HECW1: variants seen among roughly 807,000 people sequenced by gnomAD.
HECW1 encodes the protein E3 ubiquitin-protein ligase HECW1.
Under a neutral mutation model 182.3 loss-of-function variants are expected in HECW1, and 61 were observed. The ratio of observed to expected loss-of-function variants is 0.33; its 90% CI spans 0.27 to 0.41. The LOEUF (loss-of-function observed/expected upper bound fraction) is 0.41. HECW1 is among the 10% of genes least tolerant of loss of function. The probability of loss-of-function intolerance (pLI) is 1.00; values close to 1 mark genes in which losing one functional copy is unlikely to be tolerated. For synonymous variants in HECW1, 859 were observed against 832.6 expected (o/e 1.03, Z -0.55); for missense variants, 1,739 against 2,108.9 (o/e 0.82, Z 3.44).
intron 24 of HECW1, among the ~76,000 whole-genome samples, chr7:43,527,601 C>T (rs973619552): frequency 6.6e-6 from 1 of 152,154 alleles, no homozygotes; most frequent in African/African-American, 2.4e-5. Context: ...TCTTCAAAGA[C>T]TCCTTCTCCA....
At chr7:43,265,850 A>T (rs951952608) in intron 3 of HECW1, among the ~76,000 whole-genome samples, 5 of 152,172 alleles carry the variant, frequency 3.3e-5, no homozygotes, top group Admixed American at 1.3e-4. Context: ...AGGTTCAATG[A>T]TCTGCTAGAA....
chr7:43,481,348 A>C (rs1406728259), intron 17 of HECW1, among the ~76,000 whole-genome samples: 1 of 152,360 alleles, frequency 6.6e-6, no homozygotes, highest in African/African-American at 2.4e-5. Flanking sequence ...CTTTAATCTC[A>C]TTAAGACAAT....
chr7:43,138,181 A>T (rs1303626264), intron 2 of HECW1, among the ~76,000 whole-genome samples: 2 of 152,218 alleles, frequency 1.3e-5, no homozygotes, highest in Non-Finnish European at 2.9e-5. Context: ...ATGAAAGAAG[A>T]TGTTTTCTCA....
intron 6 of HECW1, among the ~76,000 whole-genome samples, chr7:43,362,443 TTTTTCCC>T (rs1314834710): frequency 6.6e-6 from 1 of 152,118 alleles, no homozygotes; most frequent in African/African-American, 2.4e-5. Flanking sequence ...GGCTTCGCTG[TTTTTCCC>T]TCACTGGCCA....
chr7:43,366,801 G>A (rs1208423423), intron 6 of HECW1, among the ~76,000 whole-genome samples: 1 of 152,120 alleles, frequency 6.6e-6, no homozygotes. Context: ...TCAAAAAGGA[G>A]TATCCAAAAA....
In HECW1 at chr7:43,479,619, G is replaced by A. The variant is rs771427843; in HGVS notation, c.3109G>A (p.Val1037Met). The change falls in exon 17 of 30, where the codon GTG (valine) becomes ATG (methionine). Residue 1037 changes from valine (V) to methionine (M), a missense_variant. Physicochemically the swap from Val to Met is conservative, Grantham distance 21. Around this residue, in one of 5 missense-constraint regions of HECW1, gnomAD observed 971 missense variants for 1,029.1 expected, o/e 0.94. Transcript: ENST00000395891. ...ACTGGTCTGTTCGCAGTCTTTTTTC[G>A]TGGACCACAACAGTCGAGCTACCAC... ...KTDQQGKSFFVDHNSRATTFI... is the reference protein window; with the variant it reads ...KTDQQGKSFFMDHNSRATTFI... 1.1e-5 allele frequency: 17 copies of A among 1,613,306 alleles called. No homozygotes were observed. The East Asian group carries it at 1.8e-4, about 17-fold the overall frequency.
At chr7:43,471,241 CGT>C (rs2078011336) in intron 16 of HECW1, among the ~76,000 whole-genome samples, 1 of 152,136 alleles carries the variant, frequency 6.6e-6, no homozygotes, top group Non-Finnish European at 1.5e-5. Flanking sequence ...ATGTTTGGAC[CGT>C]GTCTTACAGG....
At chr7:43,559,523 C>T (rs555850773) in intron 29 of HECW1, among the ~76,000 whole-genome samples, 1 of 152,268 alleles carries the variant, frequency 6.6e-6, no homozygotes, top group East Asian at 1.9e-4. Flanking sequence ...GGCGTTGATC[C>T]TCCCCATAAC....
intron 3 of HECW1, among the ~76,000 whole-genome samples, chr7:43,258,916 A>G (rs1475818215): frequency 6.6e-6 from 1 of 151,952 alleles, no homozygotes; most frequent in Non-Finnish European, 1.5e-5. Flanking sequence ...TGGGAAGTGC[A>G]CCCCAGTTTG....
rs963793450 is a variant in HECW1, at chr7:43,175,174, GTACACA to G, written c.-32+60796_-32+60801del. On this transcript the variant is annotated intron_variant, in intron 2 of 29. Transcript: ENST00000395891. Reference sequence around the variant, plus strand: ...TTTTGATGTACAACACGATGTGTGTGTACACATACACATACACACACACACGCAGTG... The same window carrying G: ...TTTTGATGTACAACACGATGTGTGTGTACACATACACACACACACGCAGTG... 4.0e-5 allele frequency among the ~76,000 whole-genome samples: 6 copies of G among 151,438 alleles called. No individual in the cohort carries two copies. The East Asian group carries it at 1.2e-3, about 29-fold the overall frequency.
At chr7:43,341,553 A>G (rs1285461985) in intron 5 of HECW1, among the ~76,000 whole-genome samples, 2 of 151,774 alleles carry the variant, frequency 1.3e-5, no homozygotes, top group African/African-American at 4.9e-5. Flanking sequence ...ACATAACCAG[A>G]CAGCTCAGAA....
chr7:43,260,824 C>T (rs542770740), intron 3 of HECW1, among the ~76,000 whole-genome samples: 10 of 152,118 alleles, frequency 6.6e-5, no homozygotes, highest in Non-Finnish European at 1.0e-4. Flanking sequence ...GATGAAGGTG[C>T]CATTTACTGA....
chr7:43,382,776 TATC>T (rs1484754057), intron 6 of HECW1, among the ~76,000 whole-genome samples: 1 of 152,210 alleles, frequency 6.6e-6, no homozygotes, highest in Non-Finnish European at 1.5e-5. Flanking sequence ...GTGGATTTAT[TATC>T]TTACTTTAAG....
At position 43,345,914 on chromosome 7, in the gene HECW1, T is replaced by C. The variant is rs541266863; in HGVS notation, c.461-14972T>C. The stretch of plus-strand genomic sequence containing the variant: ...GTTGATTGATGGGCATTTGGGTTGC[T>C]TGCACGATTTTGCAATTGTGAATTG... On this transcript the variant is annotated intron_variant, in intron 5 of 29. Transcript: ENST00000395891. 2.0e-5 allele frequency among the ~76,000 whole-genome samples: 3 copies of C among 152,224 alleles called. No homozygotes were observed. The South Asian group carries it at 6.2e-4, about 32-fold the overall frequency.
At chr7:43,550,352 T>C in intron 26 of HECW1, 93 bp from the exon 27 acceptor site, 2 of 1,390,746 alleles carry the variant, frequency 1.4e-6, no homozygotes, top group Non-Finnish European at 2.0e-6. Flanking sequence ...TGTAGAGGAT[T>C]TTTGGCATAC....
At chr7:43,537,910 G>A (rs1304465538) in intron 24 of HECW1, among the ~76,000 whole-genome samples, 1 of 152,146 alleles carries the variant, frequency 6.6e-6, no homozygotes. Context: ...ACAATTCTCT[G>A]TTGGCAGTCT....
In HECW1 at chr7:43,267,668, C is replaced by T. The variant is rs140057491; in HGVS notation, c.27+23736C>T. 2.4e-3 allele frequency among the ~76,000 whole-genome samples: 364 copies of T among 152,028 alleles called. 1 individual carries two copies. The highest frequency in any genetic ancestry group is 0.01 in the Middle Eastern group (3 of 294). On this transcript the variant is annotated intron_variant, in intron 3 of 29. Transcript: ENST00000395891. ...TGATAAATAAATCTAAAAATATTTA[C>T]TTGGGGGACCAAACACTCTGGCATA...
At chr7:43,548,244 C>CTT (rs34462638) in intron 26 of HECW1, among the ~76,000 whole-genome samples, 4 of 151,310 alleles carry the variant, frequency 2.6e-5, no homozygotes, top group South Asian at 4.2e-4. Flanking sequence ...ACATTTCTAA[C>CTT]TTTTTTTTTC....
At chr7:43,304,400 ATGTCCAG>A (rs1807263452) in intron 3 of HECW1, among the ~76,000 whole-genome samples, 1 of 152,164 alleles carries the variant, frequency 6.6e-6, no homozygotes, top group South Asian at 2.1e-4. Flanking sequence ...GCAGAGCCCC[ATGTCCAG>A]GTGCACCCCA....
Sources: allele counts gnomAD v4.1 joint callset (sites outside exome capture counted in the v4.1 genomes callset), GRCh38; gene constraint gnomAD v4.1.1; regional missense constraint gnomAD v4.1.1; transcripts MANE v1.5; gene names NCBI Gene and HGNC (gene_info 2026-07-23, HGNC 2026-07-21).